RGS8: variants seen among roughly 807,000 people sequenced by gnomAD.
RGS8 encodes the protein regulator of G protein signaling 8.
RGS8 carries 8 observed loss-of-function variants against 21.7 expected under a neutral mutation model. The observed-to-expected ratio is 0.37, with a 90% CI of 0.22 to 0.66. RGS8 has a LOEUF of 0.66. Ranked by LOEUF, RGS8 falls within the 30% of genes least tolerant of loss-of-function variation. The pLI is 0.59. For synonymous variants in RGS8, 80 were observed against 83.6 expected (o/e 0.96, Z 0.24); for missense variants, 157 against 217.9 (o/e 0.72, Z 1.76).
the RGS8 span, among the ~76,000 whole-genome samples, chr1:182,718,589 G>A: frequency 6.6e-6 from 1 of 152,134 alleles, no homozygotes; most frequent in Non-Finnish European, 1.5e-5. Flanking sequence ...AAGCTGACTA[G>A]AATAGAGAAA....
the RGS8 span, among the ~76,000 whole-genome samples, chr1:182,723,917 G>A: frequency 7.9e-5 from 12 of 151,806 alleles, no homozygotes; most frequent in Non-Finnish European, 1.6e-4. Flanking sequence ...TTTGAAAATC[G>A]GGCAGCCCCC....
At chr1:182,647,310 TC>T (rs1313486201) in intron 6 of RGS8, among the ~76,000 whole-genome samples, 2 of 152,224 alleles carry the variant, frequency 1.3e-5, no homozygotes, top group Non-Finnish European at 2.9e-5. Flanking sequence ...AAGCTTTCTG[TC>T]CTCTCCTTTC....
At chr1:182,735,469 T>C in the RGS8 span, among the ~76,000 whole-genome samples, 2 of 152,176 alleles carry the variant, frequency 1.3e-5, no homozygotes, top group African/African-American at 4.8e-5. Context: ...ACGTAGGTCA[T>C]TTACAGCTCC....
the RGS8 span, among the ~76,000 whole-genome samples, chr1:182,725,016 T>C: frequency 6.6e-6 from 1 of 152,064 alleles, no homozygotes; most frequent in African/African-American, 2.4e-5. Context: ...AAATGAAAAA[T>C]AGAGGGAAAG....
chr1:182,699,454 C>T, the RGS8 span, among the ~76,000 whole-genome samples: 1 of 152,228 alleles, frequency 6.6e-6, no homozygotes, highest in Non-Finnish European at 1.5e-5. Context: ...TGGCAGGGGG[C>T]CAAGGAAAGC....
At chr1:182,645,720 C>T (rs971892334), downstream of RGS8, 19 of 152,146 alleles carry the variant, frequency 1.2e-4, no homozygotes, top group African/African-American at 3.4e-4. Flanking sequence ...CCATTCTCCC[C>T]CATCATAATT....
the RGS8 span, among the ~76,000 whole-genome samples, chr1:182,749,390 G>A: frequency 6.6e-6 from 1 of 152,072 alleles, no homozygotes; most frequent in South Asian, 2.1e-4. Flanking sequence ...ATAATGAGTT[G>A]GATTTAAATG....
At chr1:182,663,682 C>T (rs534839884) in intron 5 of RGS8, among the ~76,000 whole-genome samples, 43 of 151,820 alleles carry the variant, frequency 2.8e-4, no homozygotes, top group African/African-American at 9.4e-4. Context: ...AGACATTCAC[C>T]ATCGCACTCC....
chr1:182,735,062 A>T, the RGS8 span, among the ~76,000 whole-genome samples: 1 of 152,192 alleles, frequency 6.6e-6, no homozygotes, highest in Non-Finnish European at 1.5e-5. Context: ...TTTGAAATTC[A>T]ATGTGTAATT....
chr1:182,744,091 A>C, the RGS8 span, among the ~76,000 whole-genome samples: 7 of 152,276 alleles, frequency 4.6e-5, 1 homozygote, highest in Admixed American at 2.0e-4. Flanking sequence ...CATAATGTAC[A>C]CTCAATAATT....
At chr1:182,715,445 G>C in the RGS8 span, among the ~76,000 whole-genome samples, 1 of 152,138 alleles carries the variant, frequency 6.6e-6, no homozygotes, top group Non-Finnish European at 1.5e-5. Flanking sequence ...ATTGGGCCCT[G>C]TGTCTATGCT....
At chr1:182,732,224 C>T in the RGS8 span, among the ~76,000 whole-genome samples, 1 of 150,858 alleles carries the variant, frequency 6.6e-6, no homozygotes, top group African/African-American at 2.5e-5. Flanking sequence ...CAAGCGCTCT[C>T]TCTCTTTCTC....
chr1:182,727,438 G>T, the RGS8 span, among the ~76,000 whole-genome samples: 8 of 152,148 alleles, frequency 5.3e-5, no homozygotes, highest in Non-Finnish European at 1.2e-4. Context: ...TGTTTTTTAT[G>T]ATTTGGAGTT....
At chr1:182,643,183 A>C (rs953553256), downstream of RGS8, 5 of 152,140 alleles carry the variant, frequency 3.3e-5, no homozygotes, top group Non-Finnish European at 5.9e-5. Context: ...CTCAAAGGAG[A>C]AAGTCAGACG....
chr1:182,707,734 A>T, the RGS8 span, among the ~76,000 whole-genome samples: 1 of 152,096 alleles, frequency 6.6e-6, no homozygotes, highest in African/African-American at 2.4e-5. Flanking sequence ...TTTGAGATGG[A>T]GTCGCTCTGT....
chr1:182,669,348 C>T (rs1664038403), intron 3 of RGS8, among the ~76,000 whole-genome samples: 1 of 152,190 alleles, frequency 6.6e-6, no homozygotes, highest in South Asian at 2.1e-4. Flanking sequence ...AGCTCATGCA[C>T]AGTCCCTCAT....
At chr1:182,667,181 T>C (rs1663913834) in intron 3 of RGS8, among the ~76,000 whole-genome samples, 1 of 151,990 alleles carries the variant, frequency 6.6e-6, no homozygotes, top group African/African-American at 2.4e-5. Flanking sequence ...CCCTAGAGGC[T>C]TAATGCTTTT....
At chr1:182,662,612 C>T (rs145322912) in intron 5 of RGS8, among the ~76,000 whole-genome samples, 1 of 152,332 alleles carries the variant, frequency 6.6e-6, no homozygotes, top group Non-Finnish European at 1.5e-5. Context: ...CCAAAAGCAG[C>T]CTCTGCCCCC....
chr1:182,745,200 A>G, the RGS8 span, among the ~76,000 whole-genome samples: 1 of 152,220 alleles, frequency 6.6e-6, no homozygotes, highest in African/African-American at 2.4e-5. Context: ...TCACTTATTT[A>G]TGTTGTGTTT....
Sources: gnomAD v4.1 joint callset for allele counts (sites outside exome capture counted in the v4.1 genomes callset) on GRCh38, gnomAD v4.1.1 for gene constraint, MANE v1.5 for transcripts, NCBI Gene and HGNC (gene_info 2026-07-23, HGNC 2026-07-21) for gene names.